The following AGBL2 variants were observed in gnomAD, a reference collection of about 807,000 sequenced individuals.
AGBL2 encodes the protein cytosolic carboxypeptidase 2.
Under a neutral mutation model 103.0 loss-of-function variants are expected in AGBL2, and 87 were observed. That is an observed-to-expected ratio of 0.84 (90% CI 0.71 to 1.01). The LOEUF is 1.01. Ranked by LOEUF, AGBL2 falls within the 50% of genes least tolerant of loss-of-function variation. AGBL2 has a pLI of 0.00. For missense variants in AGBL2, 904 were observed against 1,023.5 expected, an observed-to-expected ratio of 0.88 and a Z score of 1.59; for synonymous variants, 335 against 356.7, an observed-to-expected ratio of 0.94 and a Z score of 0.69.
At chr11:47,698,152 A>G (rs996950916) in intron 8 of AGBL2, among the ~76,000 whole-genome samples, 3 of 137,548 alleles carry the variant, frequency 2.2e-5, no homozygotes, top group African/African-American at 5.6e-5. Context: ...ATGAGCCACC[A>G]AGCCCAGTCT....
chr11:47,712,161 G>A (rs2097538026), intron 3 of AGBL2, among the ~76,000 whole-genome samples: 1 of 152,170 alleles, frequency 6.6e-6, no homozygotes, highest in Non-Finnish European at 1.5e-5. Flanking sequence ...AGTTATGGTG[G>A]AAAAGGCATT....
At chr11:47,692,048 T>C (rs1034122382) in intron 9 of AGBL2, 55 bp downstream of exon 9, 22 of 1,491,770 alleles carry the variant, frequency 1.5e-5, no homozygotes, top group Non-Finnish European at 1.9e-5. Flanking sequence ...ATATCATTAC[T>C]GAAGACACCT....
At chr11:47,683,431 G>T (rs934410746) in intron 11 of AGBL2, among the ~76,000 whole-genome samples, 1 of 151,882 alleles carries the variant, frequency 6.6e-6, no homozygotes, top group African/African-American at 2.4e-5. Flanking sequence ...AAACAAATAA[G>T]AGTAACAATA....
At chr11:47,673,114 A>C (rs2097362286) in intron 14 of AGBL2, among the ~76,000 whole-genome samples, 1 of 152,200 alleles carries the variant, frequency 6.6e-6, no homozygotes, top group Non-Finnish European at 1.5e-5. Flanking sequence ...TACCATTCTA[A>C]GTGCATGAGA....
At chr11:47,666,786 C>A in intron 17 of AGBL2, 170 bp downstream of exon 17, 1 of 671,912 alleles carries the variant, frequency 1.5e-6, no homozygotes. Context: ...CATGTCTAAT[C>A]CAAAGCAGTG....
intron 15 of AGBL2, 63 bp downstream of exon 15, chr11:47,668,778 G>A (rs921784935): frequency 7.0e-6 from 9 of 1,276,958 alleles, no homozygotes; most frequent in Non-Finnish European, 1.0e-5. Context: ...CCAACAAATT[G>A]TCTGGTAGTG....
chr11:47,662,195 A>G (rs2153802447), intron 18 of AGBL2, among the ~76,000 whole-genome samples: 1 of 152,094 alleles, frequency 6.6e-6, no homozygotes, highest in Non-Finnish European at 1.5e-5. Flanking sequence ...TTATTTTGAG[A>G]AAGAGTCTCA....
intron 3 of AGBL2, chr11:47,714,011 G>C (rs1349796435): frequency 2.5e-6 from 1 of 403,686 alleles, no homozygotes; most frequent in Admixed American, 3.7e-5. Context: ...TAGTAATTAA[G>C]AGACAGTGAT....
chr11:47,714,563 G>C, intron 2 of AGBL2, 55 bp downstream of exon 2: 1 of 1,584,564 alleles, frequency 6.3e-7, no homozygotes, highest in Non-Finnish European at 8.7e-7. Flanking sequence ...TGGAGTTCCC[G>C]AAGAAATGGA....
intron 10 of AGBL2, among the ~76,000 whole-genome samples, chr11:47,689,049 A>G (rs1437609521): frequency 6.6e-6 from 1 of 152,000 alleles, no homozygotes; most frequent in East Asian, 1.9e-4. Flanking sequence ...ATATTCTTAT[A>G]TGCTGTATTT....
chr11:47,669,036 C>T, intron 14 of AGBL2, 129 bp from the exon 15 acceptor site: 9 of 642,758 alleles, frequency 1.4e-5, no homozygotes, highest in Non-Finnish European at 2.2e-5. Flanking sequence ...CTCTCATTGT[C>T]TATGCTTCAA....
intron 17 of AGBL2, among the ~76,000 whole-genome samples, chr11:47,664,023 T>G (rs1161840611): frequency 6.6e-6 from 1 of 151,650 alleles, no homozygotes; most frequent in Non-Finnish European, 1.5e-5. Flanking sequence ...CCTGGCTAAT[T>G]TTTATATTTT....
chr11:47,671,847 C>T (rs1295101631), intron 14 of AGBL2, among the ~76,000 whole-genome samples: 1 of 152,156 alleles, frequency 6.6e-6, no homozygotes, highest in African/African-American at 2.4e-5. Context: ...AGCAGTATGT[C>T]CCAGAAAGTG....
chr11:47,669,708 G>C (rs1384821385), intron 14 of AGBL2, among the ~76,000 whole-genome samples: 1 of 150,590 alleles, frequency 6.6e-6, no homozygotes, highest in Non-Finnish European at 1.5e-5. Context: ...ATTTTTTTTT[G>C]AGACAGAGTC....
At chr11:47,681,684 T>C (rs1229438485) in intron 12 of AGBL2, among the ~76,000 whole-genome samples, 3 of 152,232 alleles carry the variant, frequency 2.0e-5, no homozygotes, top group African/African-American at 7.2e-5. Context: ...GGTCTTGATC[T>C]CCTGACCTCG....
chr11:47,706,149 C>T (rs559197649), intron 4 of AGBL2, among the ~76,000 whole-genome samples: 10 of 152,292 alleles, frequency 6.6e-5, no homozygotes, highest in Admixed American at 3.9e-4. Flanking sequence ...AGTTTGGGCA[C>T]GGTAGCTCAC....
intron 10 of AGBL2, 68 bp from the exon 11 acceptor site, chr11:47,686,117 G>T: frequency 6.6e-7 from 1 of 1,515,928 alleles, no homozygotes; most frequent in Non-Finnish European, 9.0e-7. Flanking sequence ...GGATCATTTG[G>T]TATCTCTTCC....
chr11:47,684,042 G>A (rs1234525806), intron 11 of AGBL2, among the ~76,000 whole-genome samples: 1 of 151,960 alleles, frequency 6.6e-6, no homozygotes, highest in Non-Finnish European at 1.5e-5. Flanking sequence ...CACAAGGTAA[G>A]GAGTTTGAGA....
At chr11:47,706,729 A>G (rs1160306842) in intron 4 of AGBL2, among the ~76,000 whole-genome samples, 1 of 151,610 alleles carries the variant, frequency 6.6e-6, no homozygotes, top group East Asian at 1.9e-4. Context: ...TGGTGCTCAT[A>G]TGAAAAGGCT....
Sources: gnomAD v4.1 joint callset for allele counts (sites outside exome capture counted in the v4.1 genomes callset) on GRCh38, gnomAD v4.1.1 for gene constraint, MANE v1.5 for transcripts, NCBI Gene and HGNC (gene_info 2026-07-23, HGNC 2026-07-21) for gene names.